SLC22A4: variants seen among roughly 807,000 people sequenced by gnomAD.
The protein encoded by SLC22A4 is solute carrier family 22 member 4, also known as ET transporter.
SLC22A4 carries 39 observed loss-of-function variants against 56.6 expected under a neutral mutation model. That is an observed-to-expected ratio of 0.69 (90% CI 0.53 to 0.90). The LOEUF (loss-of-function observed/expected upper bound fraction) is 0.90, where lower values mean the gene tolerates loss of function less well. Among genes scored for constraint, SLC22A4 ranks in the 40% least tolerant of loss-of-function variants. The pLI is 0.00. For synonymous variants in SLC22A4, 241 were observed against 281.4 expected (o/e 0.86, Z 1.44); for missense variants, 594 against 696.5 (o/e 0.85, Z 1.66).
At chr5:132,297,672 AAG>A (rs1274962572) in intron 1 of SLC22A4, among the ~76,000 whole-genome samples, 1 of 151,898 alleles carries the variant, frequency 6.6e-6, no homozygotes, top group African/African-American at 2.4e-5. Flanking sequence ...TTACTACAAA[AAG>A]AAAAAAAAAA....
chr5:132,294,501 C>A lies in SLC22A4; in HGVS notation c.-116C>A. 1 of 1,452,702 alleles carries A rather than the reference C, an allele frequency of 6.9e-7. No individual in the cohort carries two copies. The highest frequency in any genetic ancestry group is 9.5e-7 in the Non-Finnish European group (1 of 1,054,502). 90.0% of individuals were successfully genotyped at this position (1,452,702 alleles called of 1,614,324 possible). On this transcript the variant is annotated 5_prime_UTR_variant, in exon 1 of 10. In the 5' UTR this introduces an upstream ATG that the reference lacks. Coordinates refer to ENST00000200652, the MANE Select transcript of SLC22A4 (RefSeq NM_003059.3). The surrounding 1 kb of genome is among the most constrained non-coding windows in gnomAD (Gnocchi z 5.6). ...GCTTCGCGCCCCAATTTCTAACAGC[C>A]TGCCTGTCCCCCGGGAACGTTCTAA...
At chr5:132,327,501 C>T (rs1417742022) in intron 5 of SLC22A4, 98 bp downstream of exon 5, 2 of 1,004,504 alleles carry the variant, frequency 2.0e-6, no homozygotes, top group Admixed American at 1.7e-5. Flanking sequence ...CCACTATGTA[C>T]CAGGCATTGC....
chr5:132,343,320 G>A (rs1751275226), intron 9 of SLC22A4, among the ~76,000 whole-genome samples: 1 of 152,100 alleles, frequency 6.6e-6, no homozygotes, highest in Admixed American at 6.5e-5. Context: ...TATTTCATAC[G>A]GCTATTTTGA....
At chr5:132,300,593 A>G (rs972923974) in intron 1 of SLC22A4, among the ~76,000 whole-genome samples, 2 of 152,206 alleles carry the variant, frequency 1.3e-5, no homozygotes, top group Non-Finnish European at 2.9e-5. Flanking sequence ...TACTTATTTT[A>G]TTTCATCAGT....
At chr5:132,324,348 T>C (rs1277880946) in intron 4 of SLC22A4, 2 of 369,584 alleles carry the variant, frequency 5.4e-6, no homozygotes, top group Non-Finnish European at 1.1e-5. Flanking sequence ...AACGAACAGC[T>C]CTGATCCATT....
At chr5:132,306,892 C>G (rs1353045592) in intron 1 of SLC22A4, among the ~76,000 whole-genome samples, 1 of 152,088 alleles carries the variant, frequency 6.6e-6, no homozygotes, top group Non-Finnish European at 1.5e-5. Flanking sequence ...TATGAAATGT[C>G]CAGAATAGGC....
intron 1 of SLC22A4, among the ~76,000 whole-genome samples, chr5:132,306,416 T>C (rs1750037090): frequency 1.4e-5 from 1 of 73,484 alleles, no homozygotes; most frequent in Non-Finnish European, 2.6e-5. Flanking sequence ...TATATATATA[T>C]ATATATATAT....
At chr5:132,338,152 G>C (rs1751082710) in intron 8 of SLC22A4, among the ~76,000 whole-genome samples, 1 of 152,066 alleles carries the variant, frequency 6.6e-6, no homozygotes, top group Non-Finnish European at 1.5e-5. Context: ...AGAAATAAAG[G>C]GACAGAGTAC....
intron 2 of SLC22A4, among the ~76,000 whole-genome samples, chr5:132,313,342 A>G (rs1176610258): frequency 2.6e-5 from 4 of 152,224 alleles, no homozygotes; most frequent in Admixed American, 6.5e-5. Context: ...GGCTCCTTCT[A>G]AAGAGCATAT....
At chr5:132,298,174 A>G (rs1442010899) in intron 1 of SLC22A4, among the ~76,000 whole-genome samples, 1 of 152,230 alleles carries the variant, frequency 6.6e-6, no homozygotes, top group African/African-American at 2.4e-5. Flanking sequence ...TTTCAAAGAG[A>G]TATTTGTACA....
chr5:132,295,801 C>A (rs76030196), intron 1 of SLC22A4, among the ~76,000 whole-genome samples: 11,706 of 152,308 alleles, frequency 0.077, 596 homozygotes, highest in South Asian at 0.15. Flanking sequence ...GGAGCTGTTG[C>A]CTGCTATTGG....
intron 9 of SLC22A4, among the ~76,000 whole-genome samples, chr5:132,343,281 G>A (rs1429142661): frequency 6.6e-6 from 1 of 152,154 alleles, no homozygotes; most frequent in Admixed American, 6.5e-5. Context: ...TATTCACTAA[G>A]CTTCAGTATT....
chr5:132,327,395 T>C lies in SLC22A4; in HGVS notation c.943T>C (p.Ser315Pro). The change falls in exon 5 of 10, where the codon TCT becomes CCT. Residue 315 changes from serine to proline, a missense_variant. Physicochemically the swap from Ser to Pro is moderately conservative, Grantham distance 74 (BLOSUM62 -1). Coordinates refer to ENST00000200652, the MANE Select transcript of SLC22A4 (RefSeq NM_003059.3). ...NIAVPAVIFD[S>P]VEELNPLKQQ... ...AGCTGTACCAGCAGTGATATTTGAT[T>C]CTGTGGAGGTAAGCATTTGCAGATG... 1 of 1,613,028 alleles carries C rather than the reference T, an allele frequency of 6.2e-7. No homozygotes were observed. The highest frequency in any genetic ancestry group is 1.7e-4 in the Middle Eastern group (1 of 6,056).
rs905370166 is a variant in SLC22A4, at chr5:132,313,477, T to C, written c.498-137T>C. 115 of 793,282 alleles carry C rather than the reference T, an allele frequency of 1.4e-4. 1 individual carries two copies. The African/African-American group carries it at 1.9e-3, about 13-fold the overall frequency. The allele number at this position is 793,282 out of a possible 1,614,324, so 49.1% of individuals were successfully genotyped here. On this transcript the variant is annotated intron_variant, in intron 2 of 9. Transcript: ENST00000200652. ...CCTGAGACCTCACCAAGGAGGAAGA[T>C]GGGAGGATGTGACAGAGAAAAAAGT...
At chr5:132,330,617 TCAGGAGGCTGAGG>T (rs1271028465) in intron 5 of SLC22A4, among the ~76,000 whole-genome samples, 2 of 151,998 alleles carry the variant, frequency 1.3e-5, no homozygotes, top group Non-Finnish European at 2.9e-5. Context: ...TCCCAGCTAC[TCAGGAGGCTGAGG>T]CAGGGGAATT....
intron 4 of SLC22A4, among the ~76,000 whole-genome samples, chr5:132,325,480 C>A (rs1429055804): frequency 6.6e-6 from 1 of 152,074 alleles, no homozygotes; most frequent in Non-Finnish European, 1.5e-5. Flanking sequence ...CCTATAGGGA[C>A]CCACTAAAGG....
At chr5:132,331,933 C>A in intron 6 of SLC22A4, 83 bp downstream of exon 6, 1 of 901,380 alleles carries the variant, frequency 1.1e-6, no homozygotes, top group Non-Finnish European at 1.9e-6. Flanking sequence ...AACATTATGA[C>A]AACGACTGGG....
chr5:132,304,308 A>C (rs1230424226), intron 1 of SLC22A4, among the ~76,000 whole-genome samples: 2 of 152,378 alleles, frequency 1.3e-5, no homozygotes, highest in African/African-American at 4.8e-5. Flanking sequence ...TGATACCAGC[A>C]GACACAGACA....
At chr5:132,343,376 T>TA (rs1318402139) in intron 9 of SLC22A4, among the ~76,000 whole-genome samples, 1 of 152,232 alleles carries the variant, frequency 6.6e-6, no homozygotes, top group Non-Finnish European at 1.5e-5. Context: ...TTGATAAAGG[T>TA]AACTCTGCAT....
Sources: allele counts gnomAD v4.1 joint callset (sites outside exome capture counted in the v4.1 genomes callset), GRCh38; gene constraint gnomAD v4.1.1; non-coding constraint Gnocchi (gnomAD v3.1); transcripts MANE v1.5; gene names NCBI Gene and HGNC (gene_info 2026-07-23, HGNC 2026-07-21).